SYN3: variants seen among roughly 807,000 people sequenced by gnomAD.
The protein encoded by SYN3 is synapsin-3.
A neutral mutation model predicts 65.8 loss-of-function variants in SYN3; 35 were observed. The ratio of observed to expected loss-of-function variants is 0.53; its 90% confidence interval spans 0.41 to 0.70. The LOEUF is 0.70. Among genes scored for constraint, SYN3 ranks in the 30% least tolerant of loss-of-function variants. The pLI, the probability that SYN3 is intolerant of heterozygous loss-of-function variation, is 0.00. For missense variants in SYN3, 680 were observed against 749.0 expected, an observed-to-expected ratio of 0.91 and a Z score of 1.08; for synonymous variants, 270 against 292.9, an observed-to-expected ratio of 0.92 and a Z score of 0.80.
At chr22:32,907,526 A>G (rs2049935063) in intron 4 of SYN3, among the ~76,000 whole-genome samples, 1 of 152,142 alleles carries the variant, frequency 6.6e-6, no homozygotes, top group African/African-American at 2.4e-5. Context: ...CCAGGCTGGG[A>G]GGTGAGTGAA....
At chr22:32,926,631 A>G (rs967680425) in intron 4 of SYN3, among the ~76,000 whole-genome samples, 26 of 152,074 alleles carry the variant, frequency 1.7e-4, no homozygotes, top group African/African-American at 6.3e-4. Context: ...TAACTTTCAA[A>G]TTTTCTATAT....
At chr22:32,572,686 A>G (rs11089576) in intron 7 of SYN3, among the ~76,000 whole-genome samples, 66,649 of 151,176 alleles carry the variant, frequency 0.44, 15,181 homozygotes, top group African/African-American at 0.56. Flanking sequence ...GGGCTCAAGC[A>G]ATCCTCCTGC....
At chr22:32,980,843 A>T in intron 2 of SYN3, 141 bp from the exon 3 acceptor site, 4 of 665,390 alleles carry the variant, frequency 6.0e-6, no homozygotes, top group South Asian at 1.8e-5. Flanking sequence ...TTCACTACTG[A>T]TTTTCTCAGT....
intron 6 of SYN3, among the ~76,000 whole-genome samples, chr22:32,737,094 A>T (rs1368343692): frequency 6.6e-6 from 1 of 152,258 alleles, no homozygotes; most frequent in Non-Finnish European, 1.5e-5. Flanking sequence ...GTGACGGTGT[A>T]GACCCAAAGG....
chr22:32,618,787 C>T (rs763547528), intron 6 of SYN3, among the ~76,000 whole-genome samples: 6 of 152,116 alleles, frequency 3.9e-5, no homozygotes, highest in Non-Finnish European at 7.4e-5. Flanking sequence ...AAAGGAAGCC[C>T]CTACCTTGAA....
At position 32,602,327 on chromosome 22, in the gene SYN3, G is replaced by A. The variant is rs1056061852; in HGVS notation, c.712-5591C>T. Among the ~76,000 whole-genome samples, 44 of 152,248 alleles carry A rather than the reference G, an allele frequency of 2.9e-4. 1 individual carries two copies. The highest frequency in any genetic ancestry group is 7.7e-4 in the African/African-American group (32 of 41,548). On this transcript the variant is annotated intron_variant, in intron 6 of 13. Transcript: ENST00000358763. ...GCAATCTTTGCAAACACGTATGCAC[G>A]GATATGGCTGAGGCTGATGTTTGTA...
intron 8 of SYN3, among the ~76,000 whole-genome samples, chr22:32,539,951 CG>C (rs1379335629): frequency 6.6e-6 from 1 of 152,106 alleles, no homozygotes; most frequent in African/African-American, 2.4e-5. Context: ...TTTATCACCC[CG>C]AGGCCATCTG....
intron 6 of SYN3, among the ~76,000 whole-genome samples, chr22:32,742,606 A>G (rs2044807925): frequency 1.3e-5 from 2 of 152,212 alleles, no homozygotes; most frequent in South Asian, 2.1e-4. Flanking sequence ...ACAGAGGATC[A>G]GAGTAGAAAA....
chr22:32,832,917 G>C (rs1248578477), intron 6 of SYN3, among the ~76,000 whole-genome samples: 2 of 151,884 alleles, frequency 1.3e-5, no homozygotes, highest in Non-Finnish European at 2.9e-5. Context: ...GGTTTTCGTA[G>C]AGACAGGGTT....
At chr22:32,693,589 C>CTTTTTTTTTTT (rs1257835833) in intron 6 of SYN3, among the ~76,000 whole-genome samples, 1 of 113,518 alleles carries the variant, frequency 8.8e-6, no homozygotes, top group African/African-American at 4.5e-5. Context: ...TTTTCTGTAG[C>CTTTTTTTTTTT]TTGTTTTTTT....
At chr22:32,971,635 C>A (rs770176306) in intron 3 of SYN3, among the ~76,000 whole-genome samples, 1 of 152,166 alleles carries the variant, frequency 6.6e-6, no homozygotes. Context: ...CCAGAACTCA[C>A]GGGTCACGTA....
chr22:32,904,475 C>T (rs2049847927), intron 4 of SYN3, among the ~76,000 whole-genome samples: 2 of 151,996 alleles, frequency 1.3e-5, no homozygotes, highest in African/African-American at 4.8e-5. Context: ...CCACACTCTA[C>T]TCTTGATTGA....
At chr22:32,942,084 C>A (rs2050957865) in intron 3 of SYN3, among the ~76,000 whole-genome samples, 1 of 152,214 alleles carries the variant, frequency 6.6e-6, no homozygotes, top group African/African-American at 2.4e-5. Flanking sequence ...TGTCTGACAG[C>A]TTTGAAGAGA....
chr22:32,754,220 T>C (rs532581675), intron 6 of SYN3, among the ~76,000 whole-genome samples: 1 of 152,164 alleles, frequency 6.6e-6, no homozygotes, highest in South Asian at 2.1e-4. Flanking sequence ...GGCGCGATCT[T>C]GGTTCACTGC....
At chr22:32,992,670 G>A (rs2052754254) in intron 2 of SYN3, among the ~76,000 whole-genome samples, 1 of 152,116 alleles carries the variant, frequency 6.6e-6, no homozygotes, top group African/African-American at 2.4e-5. Context: ...AAACTTAGCT[G>A]TGCGTGGTGG....
In SYN3 at chr22:32,839,739, G is replaced by A. The variant is rs907873394; in HGVS notation, c.711+25176C>T. Among the ~76,000 whole-genome samples, 3 of 152,142 alleles carry A rather than the reference G, an allele frequency of 2.0e-5. No individual in the cohort carries two copies. In the South Asian group the frequency reaches 6.2e-4, roughly 31 times the overall value. On this transcript the variant is annotated intron_variant, in intron 6 of 13. Coordinates refer to ENST00000358763, the MANE Select transcript of SYN3 (RefSeq NM_003490.4). ...CTCTTAAATTTTGTCATTTCATTGT[G>A]TAAAACTGAGGTTGCCCCTTAACAC...
intron 6 of SYN3, among the ~76,000 whole-genome samples, chr22:32,828,406 C>T (rs1309324199): frequency 7.2e-5 from 11 of 152,184 alleles, no homozygotes; most frequent in African/African-American, 1.9e-4. Flanking sequence ...TGCCATCTGC[C>T]GGCTGCTGTG....
At chr22:32,571,699 AAATG>A (rs2058761098) in intron 7 of SYN3, among the ~76,000 whole-genome samples, 1 of 152,202 alleles carries the variant, frequency 6.6e-6, no homozygotes, top group African/African-American at 2.4e-5. Flanking sequence ...GGTTAAAATA[AAATG>A]AATGAAAGTT....
chr22:32,903,233 T>G (rs1401577114), intron 4 of SYN3, among the ~76,000 whole-genome samples: 1 of 152,134 alleles, frequency 6.6e-6, no homozygotes, highest in Non-Finnish European at 1.5e-5. Flanking sequence ...TTGCTATAAT[T>G]ATCTCTTCAT....
Sources: gnomAD v4.1 joint callset for allele counts (sites outside exome capture counted in the v4.1 genomes callset) on GRCh38, gnomAD v4.1.1 for gene constraint, MANE v1.5 for transcripts, NCBI Gene and HGNC (gene_info 2026-07-23, HGNC 2026-07-21) for gene names.